Variants in SAMD4A observed in about 807,000 individuals in gnomAD.
The protein encoded by SAMD4A is protein Smaug homolog 1.
A neutral mutation model predicts 81.3 loss-of-function variants in SAMD4A; 33 were observed. That is an observed-to-expected ratio of 0.41 (90% CI 0.31 to 0.54). The LOEUF is 0.54. Ranked by LOEUF, SAMD4A falls within the 20% of genes least tolerant of loss-of-function variation. SAMD4A has a pLI of 0.37. For missense variants in SAMD4A, 854 were observed against 951.1 expected (o/e 0.90, Z 1.34); for synonymous variants, 389 against 382.1 (o/e 1.02, Z -0.21).
rs558126268 is a variant in SAMD4A at position 54,727,842 on chromosome 14, G to A, written c.716-9182G>A. ...CGCGCACACACACACAGACACACAC[G>A]CACTACCTAGTTTGTATAACAGGTG... On this transcript the variant is annotated intron_variant, in intron 3 of 12. Transcript: ENST00000554335. Among the ~76,000 whole-genome samples, 4 of 152,186 alleles carry A rather than the reference G, an allele frequency of 2.6e-5. No homozygotes were observed. The East Asian group carries it at 5.8e-4, about 22-fold the overall frequency.
At chr14:54,597,624 C>T (rs1237554852) in intron 2 of SAMD4A, among the ~76,000 whole-genome samples, 3 of 133,988 alleles carry the variant, frequency 2.2e-5, no homozygotes, top group Non-Finnish European at 1.6e-5. Context: ...GAGTTTCACC[C>T]TGTTGCCCAG....
intron 2 of SAMD4A, among the ~76,000 whole-genome samples, chr14:54,584,348 A>G (rs530406277): frequency 1.2e-4 from 18 of 152,326 alleles, no homozygotes; most frequent in African/African-American, 4.1e-4. Flanking sequence ...CAGATAAGAC[A>G]TAGCAGCTGA....
At chr14:54,748,160 G>A (rs1032032058) in intron 4 of SAMD4A, among the ~76,000 whole-genome samples, 3 of 152,132 alleles carry the variant, frequency 2.0e-5, no homozygotes, top group Admixed American at 6.5e-5. Flanking sequence ...AATGGTCAGC[G>A]GACACACCCC....
chr14:54,628,830 G>C (rs956496682), intron 2 of SAMD4A, among the ~76,000 whole-genome samples: 3 of 152,114 alleles, frequency 2.0e-5, no homozygotes, highest in African/African-American at 7.2e-5. Context: ...CTTAATCCAG[G>C]TTCTTCATTC....
chr14:54,724,095 G>A (rs138957792), intron 3 of SAMD4A, among the ~76,000 whole-genome samples: 6 of 151,650 alleles, frequency 4.0e-5, no homozygotes, highest in Non-Finnish European at 7.4e-5. Context: ...CAGCAACCCC[G>A]GTAGGTAGGT....
At chr14:54,703,623 T>C (rs1270724435) in intron 3 of SAMD4A, 2 of 152,152 alleles carry the variant, frequency 1.3e-5, no homozygotes, top group Non-Finnish European at 2.9e-5. Flanking sequence ...ATCCCACCAC[T>C]TTGGGAGGCC....
At chr14:54,758,353 G>A (rs1006411632) in intron 6 of SAMD4A, among the ~76,000 whole-genome samples, 1 of 152,186 alleles carries the variant, frequency 6.6e-6, no homozygotes, top group Non-Finnish European at 1.5e-5. Flanking sequence ...CAAGCCTGCC[G>A]TCCTCAGCTT....
At chr14:54,767,978 C>T (rs923504508) in intron 8 of SAMD4A, among the ~76,000 whole-genome samples, 2 of 152,224 alleles carry the variant, frequency 1.3e-5, no homozygotes, top group African/African-American at 2.4e-5. Flanking sequence ...CCGACCTCCC[C>T]AGGAAGGCGC....
intron 2 of SAMD4A, among the ~76,000 whole-genome samples, chr14:54,676,239 G>A (rs77145499): frequency 1.3e-3 from 205 of 152,184 alleles, no homozygotes; most frequent in Non-Finnish European, 2.4e-3. Context: ...TGCCTTTGGC[G>A]TATTCAGATA....
At chr14:54,776,569 A>G in intron 11 of SAMD4A, 29 bp downstream of exon 11, 1 of 1,509,426 alleles carries the variant, frequency 6.6e-7, no homozygotes, top group Non-Finnish European at 8.8e-7. Context: ...TGTCCCCTTG[A>G]CACAGAGGGG....
rs1045646957 is a variant in SAMD4A, at chr14:54,767,826, C to T, written c.1597-2278C>T. Among the ~76,000 whole-genome samples, 10 of 152,338 alleles carry T rather than the reference C, an allele frequency of 6.6e-5. No individual in the cohort carries two copies. In the East Asian group the frequency reaches 9.6e-4, roughly 15 times the overall value. ...GGCCAGGAACCAGTGTTCAGAAACTCCTGAAGCCAGCCACAACCGAGCACC... is the reference window on the plus strand; with the variant it reads ...GGCCAGGAACCAGTGTTCAGAAACTTCTGAAGCCAGCCACAACCGAGCACC... On this transcript the variant is annotated intron_variant, in intron 8 of 12. Coordinates refer to ENST00000554335, the MANE Select transcript of SAMD4A (RefSeq NM_015589.6).
intron 3 of SAMD4A, among the ~76,000 whole-genome samples, chr14:54,736,802 G>A (rs1008123328): frequency 1.3e-5 from 2 of 152,134 alleles, no homozygotes; most frequent in African/African-American, 2.4e-5. Context: ...TATAGGTTTG[G>A]CCTCCTTGGA....
At chr14:54,746,661 C>T (rs1307568845) in intron 4 of SAMD4A, among the ~76,000 whole-genome samples, 2 of 152,198 alleles carry the variant, frequency 1.3e-5, no homozygotes, top group Admixed American at 6.5e-5. Context: ...TTCAATAGCT[C>T]AGGATTCTGT....
chr14:54,776,371 G>C (rs1016568210), intron 10 of SAMD4A, 43 bp from the exon 11 acceptor site: 1 of 1,566,820 alleles, frequency 6.4e-7, no homozygotes, highest in South Asian at 1.2e-5. Context: ...CTCCACCCCA[G>C]TGGGGCTGAA....
chr14:54,631,082 A>G (rs2034893874), intron 2 of SAMD4A, among the ~76,000 whole-genome samples: 1 of 151,954 alleles, frequency 6.6e-6, no homozygotes, highest in Non-Finnish European at 1.5e-5. Flanking sequence ...AAACATGGGA[A>G]AAGCTGATGT....
At chr14:54,679,226 A>G (rs968826941) in intron 2 of SAMD4A, among the ~76,000 whole-genome samples, 1 of 152,222 alleles carries the variant, frequency 6.6e-6, no homozygotes, top group Non-Finnish European at 1.5e-5. Flanking sequence ...TGGACCAGGA[A>G]TATTCTGGAG....
At chr14:54,777,745 T>A (rs2038895768) in intron 11 of SAMD4A, among the ~76,000 whole-genome samples, 1 of 152,008 alleles carries the variant, frequency 6.6e-6, no homozygotes, top group South Asian at 2.1e-4. Context: ...GGGAACGGCA[T>A]GTCAGGGAGG....
intron 8 of SAMD4A, among the ~76,000 whole-genome samples, chr14:54,766,256 A>G (rs945107324): frequency 1.3e-5 from 2 of 152,182 alleles, no homozygotes; most frequent in Admixed American, 6.5e-5. Flanking sequence ...GGAAAAAGCG[A>G]CAAAGGAAGA....
At chr14:54,668,390 C>T (rs1307739524) in intron 2 of SAMD4A, among the ~76,000 whole-genome samples, 1 of 152,206 alleles carries the variant, frequency 6.6e-6, no homozygotes, top group Non-Finnish European at 1.5e-5. Context: ...GCTCAGATGG[C>T]ATGATATGTG....
Sources: allele counts gnomAD v4.1 joint callset (sites outside exome capture counted in the v4.1 genomes callset), GRCh38; gene constraint gnomAD v4.1.1; transcripts MANE v1.5; gene names NCBI Gene and HGNC (gene_info 2026-07-23, HGNC 2026-07-21).